The following DESI1 variants were observed in gnomAD, a reference collection of about 807,000 sequenced individuals.
DESI1 encodes the protein PPPDE peptidase domain containing 2.
In DESI1, 17 loss-of-function variants were observed where a neutral mutation model predicts 22.4. The observed-to-expected ratio is 0.76, with a 90% confidence interval of 0.52 to 1.14. The LOEUF is 1.14. Ranked by LOEUF, DESI1 falls within the 50% of genes most tolerant of loss-of-function variation. DESI1 has a pLI of 0.00. For synonymous variants in DESI1, 92 were observed against 84.2 expected (o/e 1.09, Z -0.51); for missense variants, 177 against 208.9 (o/e 0.85, Z 0.94).
chr22:41,600,797 A>G lies in DESI1; in HGVS notation c.*300T>C, dbSNP rs751442900. On this transcript the variant is annotated 3_prime_UTR_variant, in exon 6 of 6. Coordinates refer to ENST00000263256, the MANE Select transcript of DESI1 (RefSeq NM_015704.3). ...GCAAACTGTGACTCGCTTTCTGTTTAAACAAAGCCCCTCCCTTTCTCCAGT... is the reference window on the plus strand; with the variant it reads ...GCAAACTGTGACTCGCTTTCTGTTTGAACAAAGCCCCTCCCTTTCTCCAGT... 8 of 305,614 alleles carry G rather than the reference A, an allele frequency of 2.6e-5. No individual in the cohort carries two copies. Among genetic ancestry groups the G allele is most frequent in the Non-Finnish European group, 3.1e-5 (5 of 159,968 alleles). 18.9% of individuals were successfully genotyped at this position (305,614 alleles called of 1,614,324 possible). A position where few individuals can be genotyped will look rare whatever the true frequency, so the allele number is the denominator to read the frequency against.
chr22:41,619,699 C>T (rs752135487), intron 1 of DESI1, among the ~76,000 whole-genome samples: 4 of 152,162 alleles, frequency 2.6e-5, no homozygotes, highest in Non-Finnish European at 5.9e-5. Context: ...CAATTCACTA[C>T]GACATATTAG....
In DESI1 at chr22:41,600,832, G is replaced by A; in HGVS notation, c.*265C>T. On this transcript the variant is annotated 3_prime_UTR_variant, in exon 6 of 6. Transcript: ENST00000263256. ...CCTCCCTTTCTCCAGTGTGGAGGAC[G>A]CTTAGGAAACAGCATCCGAAGTGAA... is the stretch of plus-strand genomic sequence containing the variant. The A allele has an allele frequency of 2.6e-6, 1 of 390,094 alleles. No homozygotes were observed. Among genetic ancestry groups the A allele is most frequent in the Non-Finnish European group, 4.7e-6 (1 of 211,224 alleles). The allele number at this position is 390,094 out of a possible 1,614,324, so 24.2% of individuals were successfully genotyped here.
Position 41,620,737 on chromosome 22 carries a change from C to T in DESI1, c.88+15G>A, listed in dbSNP as rs370711692. 2.5e-5 allele frequency: 40 copies of T among 1,598,812 alleles called. No individual in the cohort carries two copies. The highest frequency in any genetic ancestry group is 5.2e-5 in the Admixed American group (3 of 57,824). ...GGCTCCCGCCCTCCTGCCCACCTGG[C>T]CCCTTCCCCCTCACCCAGCATGATG... On this transcript the variant is annotated intron_variant, in intron 1 of 5. Coordinates refer to ENST00000263256, the MANE Select transcript of DESI1 (RefSeq NM_015704.3).
At chr22:41,606,715 A>G (rs1213491337) in intron 3 of DESI1, among the ~76,000 whole-genome samples, 3 of 132,448 alleles carry the variant, frequency 2.3e-5, no homozygotes, top group African/African-American at 5.7e-5. Flanking sequence ...CGGAGCTTGC[A>G]GTGAGCCGAG....
intron 1 of DESI1, among the ~76,000 whole-genome samples, chr22:41,615,586 G>GT (rs1460598728): frequency 6.6e-5 from 10 of 152,312 alleles, no homozygotes; most frequent in Admixed American, 3.9e-4. Context: ...AAGCACAATA[G>GT]ATGGCATTAA....
chr22:41,620,381 C>G (rs1458609962), intron 1 of DESI1, among the ~76,000 whole-genome samples: 1 of 152,090 alleles, frequency 6.6e-6, no homozygotes, highest in Non-Finnish European at 1.5e-5. Flanking sequence ...TACACCGCGC[C>G]AAGGAGGCAG....
At chr22:41,605,474 A>G (rs1182048918) in intron 3 of DESI1, among the ~76,000 whole-genome samples, 2 of 152,334 alleles carry the variant, frequency 1.3e-5, no homozygotes, top group South Asian at 2.1e-4. Flanking sequence ...TCATTCATTC[A>G]TAGCCACTGA....
chr22:41,602,674 G>C, intron 5 of DESI1: 5 of 987,614 alleles, frequency 5.1e-6, no homozygotes, highest in Non-Finnish European at 6.0e-6. Flanking sequence ...GTGTCCTTTC[G>C]GGGTATACTG....
intron 1 of DESI1, among the ~76,000 whole-genome samples, chr22:41,611,193 G>A (rs974847471): frequency 6.6e-6 from 1 of 152,180 alleles, no homozygotes; most frequent in East Asian, 1.9e-4. Context: ...GCAGTGGCAC[G>A]ATCTTGGCTC....
chr22:41,603,471 C>A (rs1283972420), intron 4 of DESI1, 90 bp from the exon 5 acceptor site: 2 of 1,568,770 alleles, frequency 1.3e-6, no homozygotes, highest in African/African-American at 2.7e-5. Context: ...ATGGTGAGCA[C>A]AGCTCAATGT....
At chr22:41,615,018 G>A (rs930091767) in intron 1 of DESI1, among the ~76,000 whole-genome samples, 1 of 151,472 alleles carries the variant, frequency 6.6e-6, no homozygotes, top group African/African-American at 2.4e-5. Flanking sequence ...CACTGGTCAG[G>A]CCACATGCAG....
chr22:41,605,940 T>A (rs2067476865), intron 3 of DESI1, among the ~76,000 whole-genome samples: 1 of 152,160 alleles, frequency 6.6e-6, no homozygotes, highest in African/African-American at 2.4e-5. Context: ...CAAGAAGGTG[T>A]ACTGATGTCA....
chr22:41,618,059 C>T (rs2067560817), intron 1 of DESI1, among the ~76,000 whole-genome samples: 1 of 152,112 alleles, frequency 6.6e-6, no homozygotes, highest in South Asian at 2.1e-4. Context: ...CCCTTGATAC[C>T]CTTATTTAAA....
At chr22:41,603,892 A>C in intron 4 of DESI1, 152 bp downstream of exon 4, 1 of 632,958 alleles carries the variant, frequency 1.6e-6, no homozygotes, top group Non-Finnish European at 2.6e-6. Context: ...TTTTTGTAGC[A>C]TAACTGCCTT....
intron 1 of DESI1, among the ~76,000 whole-genome samples, chr22:41,610,229 A>G: frequency 6.6e-6 from 1 of 151,620 alleles, no homozygotes; most frequent in East Asian, 1.9e-4. Context: ...AAATACAAAA[A>G]TTAGCTGGGC....
rs1217304906 is a variant in DESI1 at position 41,604,044 on chromosome 22, C to T, written c.290G>A (p.Arg97Gln). The T allele has an allele frequency of 1.7e-5, 27 of 1,612,292 alleles. No individual in the cohort carries two copies. The highest frequency in any genetic ancestry group is 5.0e-5 in the Admixed American group (3 of 59,910). ...YLSSLGESLF[R>Q]GEAYNLFEHN... ...AACCACCACCCCTGTCTCCACTCAC[C>T]GGAACAGGGACTCCCCCAGGGAGGA... is the stretch of plus-strand genomic sequence containing the variant. The change falls in exon 4 of 6, where the codon CGA becomes CAA. Residue 97 changes from arginine to glutamine, a missense_variant and splice_region_variant. Physicochemically the swap from Arg to Gln is conservative, Grantham distance 43 (BLOSUM62 1). Transcript: ENST00000263256.
In DESI1 at chr22:41,620,748, T is replaced by C; in HGVS notation, c.88+4A>G. 1 of 1,606,148 alleles carries C rather than the reference T, an allele frequency of 6.2e-7. No homozygotes were observed. The highest frequency in any genetic ancestry group is 1.1e-5 in the South Asian group (1 of 89,894). ...TCCTGCCCACCTGGCCCCTTCCCCCTCACCCAGCATGATGGGGCTGAGCCG... is the reference window on the plus strand; with the variant it reads ...TCCTGCCCACCTGGCCCCTTCCCCCCCACCCAGCATGATGGGGCTGAGCCG... On this transcript the variant is annotated splice_donor_region_variant and intron_variant, in intron 1 of 5. Transcript: ENST00000263256.
chr22:41,607,830 C>A lies in DESI1; in HGVS notation c.110+10G>T, dbSNP rs769297078. ...AAACTAGTCAAAGTAAGGAGACCCA[C>A]CCAACTTACCAGATGCCTTCCAGTT... On this transcript the variant is annotated intron_variant, in intron 2 of 5. Transcript: ENST00000263256. 1.2e-6 allele frequency: 2 copies of A among 1,614,092 alleles called. No individual in the cohort carries two copies. Among genetic ancestry groups the A allele is most frequent in the African/African-American group, 2.7e-5 (2 of 74,932 alleles).
At chr22:41,607,693 A>G in intron 2 of DESI1, 147 bp downstream of exon 2, 1 of 951,716 alleles carries the variant, frequency 1.1e-6, no homozygotes, top group South Asian at 1.5e-5. Context: ...GAGCAAAAGA[A>G]CTGATGAGAA....
Sources: allele counts gnomAD v4.1 joint callset (sites outside exome capture counted in the v4.1 genomes callset), GRCh38; gene constraint gnomAD v4.1.1; transcripts MANE v1.5; gene names NCBI Gene and HGNC (gene_info 2026-07-23, HGNC 2026-07-21).